The following AK7 variants were observed in gnomAD, a reference collection of about 807,000 sequenced individuals.
AK7 encodes the protein adenylate kinase 7.
AK7 carries 78 observed loss-of-function variants against 96.6 expected under a neutral mutation model. The ratio of observed to expected loss-of-function variants is 0.81; its 90% CI spans 0.67 to 0.97. The LOEUF (loss-of-function observed/expected upper bound fraction) is 0.97, where lower values mean the gene tolerates loss of function less well. Ranked by LOEUF, AK7 falls within the 50% of genes least tolerant of loss-of-function variation. The pLI is 0.00. For missense variants in AK7, 855 were observed against 887.9 expected, an observed-to-expected ratio of 0.96 and a Z score of 0.47; for synonymous variants, 302 against 317.2, an observed-to-expected ratio of 0.95 and a Z score of 0.51.
At chr14:96,409,101 C>G (rs370229423) in intron 4 of AK7, among the ~76,000 whole-genome samples, 160 bp downstream of exon 4, 5 of 152,158 alleles carry the variant, frequency 3.3e-5, no homozygotes, top group African/African-American at 1.2e-4. Context: ...TAAGCACATT[C>G]AATTCTAAGG....
At chr14:96,443,873 A>G (rs956814573) in intron 7 of AK7, among the ~76,000 whole-genome samples, 2 of 149,332 alleles carry the variant, frequency 1.3e-5, no homozygotes, top group African/African-American at 2.5e-5. Context: ...TCCCAGGTTC[A>G]TGCCATTCTC....
At chr14:96,472,137 G>T (rs1894928005) in intron 13 of AK7, among the ~76,000 whole-genome samples, 1 of 151,874 alleles carries the variant, frequency 6.6e-6, no homozygotes, top group Non-Finnish European at 1.5e-5. Flanking sequence ...TGTCCTCAAG[G>T]TTCATCCTTG....
At chr14:96,448,980 T>TG in intron 8 of AK7, among the ~76,000 whole-genome samples, 2 of 139,120 alleles carry the variant, frequency 1.4e-5, no homozygotes, top group South Asian at 2.3e-4. Flanking sequence ...AAAAAAATTG[T>TG]GGGGAAAAAA....
rs1397077278 is a variant in AK7 at position 96,488,714 on chromosome 14, ATGACTTG to A, written c.*373_*379del. On this transcript the variant is annotated 3_prime_UTR_variant, in exon 18 of 18. Transcript: ENST00000267584. ...TATTCTAACATGTAGGCTAATTTAC[ATGACTTG>A]TTATCGCCCCAATAACAATGTTATT... 7 of 159,438 alleles carry A rather than the reference ATGACTTG, an allele frequency of 4.4e-5. No homozygotes were observed. The Admixed American group carries it at 4.5e-4, about 10-fold the overall frequency. 9.9% of individuals were successfully genotyped at this position (159,438 alleles called of 1,614,324 possible).
At chr14:96,453,125 G>A (rs1019807511) in intron 10 of AK7, among the ~76,000 whole-genome samples, 4 of 152,060 alleles carry the variant, frequency 2.6e-5, no homozygotes, top group Non-Finnish European at 5.9e-5. Flanking sequence ...AAAAAAACAT[G>A]TCTAGTTAAG....
At position 96,478,518 on chromosome 14, in the gene AK7, A is replaced by AGG; in HGVS notation, c.1609_1610insGG (p.Asn537ArgfsTer22). The AGG allele has an allele frequency of 6.2e-7, 1 of 1,614,142 alleles. No individual in the cohort carries two copies. The highest frequency in any genetic ancestry group is 8.5e-7 in the Non-Finnish European group (1 of 1,180,034). ...TGAGTTTCTGAAGGAGCGTGTGATA[A>AGG]ACCTTCCTGAGAGCATCGTGGCGGG... On this transcript the variant is annotated frameshift_variant, in exon 15 of 18. Transcript: ENST00000267584. LOFTEE classifies it high-confidence loss of function.
At chr14:96,400,286 C>T (rs1890335400) in intron 2 of AK7, among the ~76,000 whole-genome samples, 1 of 152,032 alleles carries the variant, frequency 6.6e-6, no homozygotes. Context: ...ATGATCTGCC[C>T]ACCTTGGCCT....
chr14:96,486,903 A>G lies in AK7; in HGVS notation c.1980A>G (p.Lys660=), dbSNP rs114027560. ...EKIARWEEWN[K]RLEEVKREER... is the part of the protein sequence containing the mutation. ...CACCAAATATTCTATTTTAGAATAA[A>G]CGACTGGAGGAAGTGAAAAGAGAAG... Residue 660 remains lysine, a synonymous_variant, in exon 17 of 18, where the codon AAA becomes AAG. Transcript: ENST00000267584. 14 of 1,613,298 alleles carry G rather than the reference A, an allele frequency of 8.7e-6. No individual in the cohort carries two copies. The highest frequency in any genetic ancestry group is 1.2e-5 in the Non-Finnish European group (14 of 1,179,750).
intron 12 of AK7, among the ~76,000 whole-genome samples, chr14:96,466,381 C>T (rs1029874169): frequency 5.9e-5 from 9 of 152,034 alleles, no homozygotes; most frequent in South Asian, 4.2e-4. Context: ...GGACTACAGG[C>T]GCCCGCCACC....
In AK7 at chr14:96,426,125, G is replaced by A. The variant is rs531176641; in HGVS notation, c.609+5193G>A. 3.7e-4 allele frequency among the ~76,000 whole-genome samples: 56 copies of A among 152,198 alleles called. No individual in the cohort carries two copies. In the South Asian group the frequency reaches 0.011, roughly 29 times the overall value. Reference sequence around the variant, plus strand: ...CTTCCTACCTTGCTGTAGGGATGGTGATTTTCTCTGGTGATATGATTTAGT... The same window carrying A: ...CTTCCTACCTTGCTGTAGGGATGGTAATTTTCTCTGGTGATATGATTTAGT... On this transcript the variant is annotated intron_variant, in intron 5 of 17. Coordinates refer to ENST00000267584, the MANE Select transcript of AK7 (RefSeq NM_152327.5).
At chr14:96,467,046 TA>T (rs11295444) in intron 12 of AK7, among the ~76,000 whole-genome samples, 22,365 of 137,854 alleles carry the variant, frequency 0.16, 2,255 homozygotes, top group East Asian at 0.49. Flanking sequence ...GACGAATATG[TA>T]AAAAAAAAAA....
chr14:96,418,231 G>A (rs1366306598), intron 4 of AK7, among the ~76,000 whole-genome samples: 1 of 148,624 alleles, frequency 6.7e-6, no homozygotes, highest in African/African-American at 2.5e-5. Context: ...AGGAGTCTAG[G>A]TGGACTCAGC....
intron 9 of AK7, 52 bp from the exon 10 acceptor site, chr14:96,451,369 A>G (rs2140112476): frequency 1.4e-6 from 2 of 1,479,844 alleles, no homozygotes; most frequent in East Asian, 4.8e-5. Flanking sequence ...CTGTTATGAC[A>G]GTCAGAATTA....
chr14:96,426,659 G>A (rs1483298785), intron 5 of AK7, among the ~76,000 whole-genome samples: 2 of 152,162 alleles, frequency 1.3e-5, no homozygotes, highest in Non-Finnish European at 2.9e-5. Flanking sequence ...CATGCTTGAA[G>A]GAGATTTTCA....
At chr14:96,463,446 G>A (rs1236876251) in intron 12 of AK7, among the ~76,000 whole-genome samples, 5 of 151,668 alleles carry the variant, frequency 3.3e-5, no homozygotes, top group South Asian at 2.1e-4. Flanking sequence ...GGAGCCGGGC[G>A]CGGTGGCTCA....
intron 5 of AK7, among the ~76,000 whole-genome samples, chr14:96,433,922 T>C (rs572684073): frequency 1.3e-5 from 2 of 152,354 alleles, no homozygotes; most frequent in Admixed American, 1.3e-4. Context: ...TCAATCTCTT[T>C]GTTAAATTCA....
At chr14:96,397,920 A>G (rs1020667323) in intron 1 of AK7, among the ~76,000 whole-genome samples, 155 bp from the exon 2 acceptor site, 4 of 152,162 alleles carry the variant, frequency 2.6e-5, no homozygotes, top group East Asian at 3.9e-4. Flanking sequence ...CAGGAATGCA[A>G]TCAACTTAAA....
intron 12 of AK7, among the ~76,000 whole-genome samples, chr14:96,467,646 T>G (rs1334552049): frequency 2.0e-5 from 3 of 152,144 alleles, no homozygotes; most frequent in Non-Finnish European, 4.4e-5. Context: ...GGCTGCTGCT[T>G]CTTAAGGTAT....
intron 12 of AK7, among the ~76,000 whole-genome samples, chr14:96,466,804 C>T (rs1051253764): frequency 2.0e-5 from 3 of 152,118 alleles, no homozygotes; most frequent in African/African-American, 7.2e-5. Flanking sequence ...TTTTCACTAA[C>T]GTCATGTAGA....
Sources: allele counts gnomAD v4.1 joint callset (sites outside exome capture counted in the v4.1 genomes callset), GRCh38; gene constraint gnomAD v4.1.1; transcripts MANE v1.5; gene names NCBI Gene and HGNC (gene_info 2026-07-23, HGNC 2026-07-21).